Variants in NALCN observed in about 807,000 individuals in gnomAD.
NALCN encodes sodium leak channel, non-selective, also known as sodium leak channel NALCN.
A neutral mutation model predicts 225.3 loss-of-function variants in NALCN; 111 were observed. That is an observed-to-expected ratio of 0.49 (90% CI 0.42 to 0.58). The LOEUF (loss-of-function observed/expected upper bound fraction) is 0.58, where lower values mean the gene tolerates loss of function less well. Among genes scored for constraint, NALCN ranks in the 20% least tolerant of loss-of-function variants. The pLI, the probability that NALCN is intolerant of heterozygous loss-of-function variation, is 0.00. For synonymous variants in NALCN, 764 were observed against 769.0 expected, an observed-to-expected ratio of 0.99 and a Z score of 0.11; for missense variants, 1,378 against 2,202.4, an observed-to-expected ratio of 0.63 and a Z score of 7.49.
intron 13 of NALCN, among the ~76,000 whole-genome samples, chr13:101,224,180 T>A (rs1369400614): frequency 6.6e-6 from 1 of 152,142 alleles, no homozygotes; most frequent in African/African-American, 2.4e-5. Context: ...AGGACCTACT[T>A]CCCTTCGCCT....
intron 7 of NALCN, 85 bp downstream of exon 7, chr13:101,345,181 T>C (rs1254795742): frequency 1.5e-6 from 2 of 1,346,232 alleles, no homozygotes. Flanking sequence ...AGTCAAAATA[T>C]TAGTATCAAT....
At chr13:101,297,335 G>C (rs1197162749) in intron 7 of NALCN, among the ~76,000 whole-genome samples, 1 of 152,198 alleles carries the variant, frequency 6.6e-6, no homozygotes, top group East Asian at 1.9e-4. Flanking sequence ...GTAAGCCCGA[G>C]ACAGTGGAAT....
intron 10 of NALCN, among the ~76,000 whole-genome samples, chr13:101,268,988 C>T (rs2042685329): frequency 6.6e-6 from 1 of 152,114 alleles, no homozygotes; most frequent in Non-Finnish European, 1.5e-5. Context: ...TTTCAATTAA[C>T]TAACCTATAA....
intron 1 of NALCN, among the ~76,000 whole-genome samples, chr13:101,408,201 G>A (rs751581762): frequency 2.0e-5 from 3 of 152,112 alleles, no homozygotes; most frequent in Non-Finnish European, 2.9e-5. Context: ...GAACAGAGAC[G>A]GGAATCTCCA....
chr13:101,153,741 C>A (rs185421007), intron 15 of NALCN, among the ~76,000 whole-genome samples: 138 of 152,314 alleles, frequency 9.1e-4, no homozygotes, highest in Non-Finnish European at 1.7e-3. Flanking sequence ...CTCCTGAAAC[C>A]TTCCTAACTG....
intron 35 of NALCN, among the ~76,000 whole-genome samples, chr13:101,075,516 T>C (rs951619164): frequency 6.6e-6 from 1 of 151,838 alleles, no homozygotes; most frequent in African/African-American, 2.4e-5. Flanking sequence ...AAAGATTATT[T>C]TTCTTTGAAG....
chr13:101,291,209 A>T (rs1321257818), intron 9 of NALCN, among the ~76,000 whole-genome samples: 3 of 152,184 alleles, frequency 2.0e-5, no homozygotes, highest in Non-Finnish European at 4.4e-5. Context: ...GGGTTGAGGG[A>T]TCTTTTTCAT....
intron 1 of NALCN, among the ~76,000 whole-genome samples, chr13:101,405,178 A>G (rs528328748): frequency 1.3e-4 from 20 of 152,324 alleles, no homozygotes; most frequent in African/African-American, 4.3e-4. Context: ...ACCTCAATAC[A>G]CCACAGTGAA....
intron 17 of NALCN, among the ~76,000 whole-genome samples, chr13:101,126,617 C>T (rs1301556750): frequency 1.3e-5 from 2 of 151,968 alleles, no homozygotes; most frequent in African/African-American, 4.8e-5. Context: ...CTCAGCCACC[C>T]GAGTAGCTGG....
At chr13:101,301,376 G>A (rs546141602) in intron 7 of NALCN, among the ~76,000 whole-genome samples, 19 of 152,316 alleles carry the variant, frequency 1.2e-4, no homozygotes, top group Admixed American at 1.2e-3. Flanking sequence ...GAGGAGCAGT[G>A]AGGTCAGGTC....
chr13:101,106,214 C>G (rs1212217927), intron 22 of NALCN, among the ~76,000 whole-genome samples: 3 of 152,052 alleles, frequency 2.0e-5, no homozygotes, highest in African/African-American at 7.2e-5. Context: ...GGAAACCAAT[C>G]ATATTAGATT....
intron 40 of NALCN, among the ~76,000 whole-genome samples, chr13:101,062,918 A>G (rs1413675349): frequency 1.3e-5 from 2 of 152,332 alleles, no homozygotes; most frequent in South Asian, 2.1e-4. Flanking sequence ...TATTAATTTC[A>G]GAGGCTACCA....
Position 101,346,083 on chromosome 13 carries a change from C to CTATA in NALCN, c.645-664_645-663insTATA, listed in dbSNP as rs1241006587. On this transcript the variant is annotated intron_variant, in intron 6 of 43. Transcript: ENST00000251127. Reference sequence around the variant, plus strand: ...TCTCTCTCTCTCTCTCTCTCTCTCTCTCTCTATATATATATATATATATAT... The same window carrying CTATA: ...TCTCTCTCTCTCTCTCTCTCTCTCTCTATATCTCTATATATATATATATATATAT... Among the ~76,000 whole-genome samples the CTATA allele has an allele frequency of 1.9e-3, 160 of 84,256 alleles. 1 individual carries two copies. Among genetic ancestry groups the CTATA allele is most frequent in the Admixed American group, 8.3e-3 (59 of 7,112 alleles). The allele number at this position is 84,256 out of a possible 152,430, so 55.3% of individuals were successfully genotyped here.
chr13:101,079,304 C>T (rs1368166102), intron 34 of NALCN, among the ~76,000 whole-genome samples: 2 of 152,178 alleles, frequency 1.3e-5, no homozygotes, highest in Non-Finnish European at 2.9e-5. Context: ...GTAATGACAA[C>T]CAATAGTTTT....
chr13:101,113,997 C>T (rs557009981), intron 18 of NALCN, among the ~76,000 whole-genome samples: 47 of 152,164 alleles, frequency 3.1e-4, no homozygotes, highest in African/African-American at 9.2e-4. Context: ...GGGAGGGTAG[C>T]GGCAGGTGCG....
rs768025892 is a variant in NALCN, at chr13:101,399,005, A to G, written c.108+14T>C. The G allele has an allele frequency of 3.4e-6, 5 of 1,486,250 alleles. No individual in the cohort carries two copies. In the African/African-American group the frequency reaches 4.2e-5, roughly 12 times the overall value. 92.1% of individuals were successfully genotyped at this position (1,486,250 alleles called of 1,614,324 possible). On this transcript the variant is annotated intron_variant, in intron 2 of 43. Transcript: ENST00000251127. ...ATCCACATATGCTTCTCCATACTCA[A>G]AGAAGAAACTTACTGGTTTGTTAAT...
At chr13:101,237,961 C>A (rs780766965) in intron 11 of NALCN, 39 bp from the exon 12 acceptor site, 3 of 1,538,350 alleles carry the variant, frequency 2.0e-6, no homozygotes, top group Non-Finnish European at 2.7e-6. Context: ...AAATTCAGAA[C>A]TATAATTTAT....
intron 1 of NALCN, among the ~76,000 whole-genome samples, chr13:101,411,311 T>C (rs1229225411): frequency 6.6e-6 from 1 of 151,916 alleles, no homozygotes; most frequent in South Asian, 2.1e-4. Context: ...GTGGGCATGC[T>C]TCCGCTTCCA....
chr13:101,138,854 C>G (rs2036929855), intron 17 of NALCN, among the ~76,000 whole-genome samples: 1 of 152,152 alleles, frequency 6.6e-6, no homozygotes, highest in African/African-American at 2.4e-5. Flanking sequence ...AGGAAAAATA[C>G]AAGTAGAAAT....
Sources: allele counts gnomAD v4.1 joint callset (sites outside exome capture counted in the v4.1 genomes callset), GRCh38; gene constraint gnomAD v4.1.1; transcripts MANE v1.5; gene names NCBI Gene and HGNC (gene_info 2026-07-23, HGNC 2026-07-21).